Variants in ST6GALNAC3 observed in about 807,000 individuals in gnomAD.
The protein encoded by ST6GALNAC3 is alpha-N-acetylgalactosaminide alpha-2,6-sialyltransferase 3.
In ST6GALNAC3, 25 loss-of-function variants were observed where a neutral mutation model predicts 32.7. The observed-to-expected ratio is 0.76, with a 90% CI of 0.56 to 1.07. ST6GALNAC3 has a LOEUF of 1.07. Ranked by LOEUF, ST6GALNAC3 falls within the 50% of genes least tolerant of loss-of-function variation. The probability of loss-of-function intolerance (pLI) is 0.00; values close to 1 mark genes in which losing one functional copy is unlikely to be tolerated. For synonymous variants in ST6GALNAC3, 129 were observed against 133.1 expected, an observed-to-expected ratio of 0.97 and a Z score of 0.21; for missense variants, 355 against 382.4, an observed-to-expected ratio of 0.93 and a Z score of 0.60.
chr1:76,593,825 A>G (rs1239218436), intron 3 of ST6GALNAC3, among the ~76,000 whole-genome samples: 1 of 152,118 alleles, frequency 6.6e-6, no homozygotes, highest in African/African-American at 2.4e-5. Context: ...CCTGTAAACA[A>G]ATGGTTTCAG....
intron 2 of ST6GALNAC3, among the ~76,000 whole-genome samples, chr1:76,362,125 T>C (rs1650008845): frequency 6.6e-6 from 1 of 151,960 alleles, no homozygotes; most frequent in Admixed American, 6.6e-5. Flanking sequence ...CCAGGAACTT[T>C]ACAATAATAA....
intron 3 of ST6GALNAC3, among the ~76,000 whole-genome samples, chr1:76,562,243 A>G (rs942163011): frequency 6.6e-6 from 1 of 152,174 alleles, no homozygotes; most frequent in Non-Finnish European, 1.5e-5. Context: ...AGTGAATTAT[A>G]TGGTATGTGA....
At position 76,249,516 on chromosome 1, in the gene ST6GALNAC3, CT is replaced by C. The variant is rs1657492758; in HGVS notation, c.19-64281del. ...ATTCCATTCTATAAAGTTACCATATCTTTTTTTTCTACTTATCAGTTATAGC... is the reference window on the plus strand; with the variant it reads ...ATTCCATTCTATAAAGTTACCATATCTTTTTTTCTACTTATCAGTTATAGC... On this transcript the variant is annotated intron_variant, in intron 1 of 4. Coordinates refer to ENST00000328299, the MANE Select transcript of ST6GALNAC3 (RefSeq NM_152996.4). 2.0e-5 allele frequency among the ~76,000 whole-genome samples: 3 copies of C among 151,678 alleles called. No individual in the cohort carries two copies. The South Asian group carries it at 6.5e-4, about 33-fold the overall frequency.
At position 76,598,738 on chromosome 1, in the gene ST6GALNAC3, TAA is replaced by T. The variant is rs34725000; in HGVS notation, c.624-28702_624-28701del. On this transcript the variant is annotated intron_variant, in intron 3 of 4. Coordinates refer to ENST00000328299, the MANE Select transcript of ST6GALNAC3 (RefSeq NM_152996.4). ...CTTCTGCCATAAATGCTTCACAAAT[TAA>T]AAAAAAAAAAATGGTAAGCCTCCGT... is the stretch of plus-strand genomic sequence containing the variant. Among the ~76,000 whole-genome samples the T allele has an allele frequency of 6.9e-4, 100 of 145,246 alleles. 1 individual carries two copies. The highest frequency in any genetic ancestry group is 1.1e-3 in the African/African-American group (44 of 40,228).
chr1:76,579,721 C>T (rs962841086), intron 3 of ST6GALNAC3, among the ~76,000 whole-genome samples: 1 of 152,006 alleles, frequency 6.6e-6, no homozygotes. Flanking sequence ...TGCATCCCCA[C>T]GATATAGCTT....
At chr1:76,077,206 A>T (rs763093499) in intron 1 of ST6GALNAC3, among the ~76,000 whole-genome samples, 1 of 152,106 alleles carries the variant, frequency 6.6e-6, no homozygotes, top group African/African-American at 2.4e-5. Context: ...TGAAGTGTTC[A>T]TAGAATTATA....
chr1:76,566,591 G>T (rs968705791), intron 3 of ST6GALNAC3, among the ~76,000 whole-genome samples: 3 of 151,686 alleles, frequency 2.0e-5, no homozygotes, highest in African/African-American at 7.3e-5. Context: ...TCTTCCCTGC[G>T]CTACCCAGTG....
chr1:76,086,578 C>G (rs1311007326), intron 1 of ST6GALNAC3, among the ~76,000 whole-genome samples: 1 of 152,130 alleles, frequency 6.6e-6, no homozygotes, highest in African/African-American at 2.4e-5. Flanking sequence ...TCATCTCCAG[C>G]CTTCATGCCC....
chr1:76,401,747 T>C (rs1374146752), intron 2 of ST6GALNAC3, among the ~76,000 whole-genome samples: 1 of 152,164 alleles, frequency 6.6e-6, no homozygotes, highest in Non-Finnish European at 1.5e-5. Context: ...TGACATAAAA[T>C]AGGTTGACAG....
At chr1:76,348,823 C>T (rs1303978428) in intron 2 of ST6GALNAC3, among the ~76,000 whole-genome samples, 2 of 152,110 alleles carry the variant, frequency 1.3e-5, no homozygotes, top group South Asian at 4.1e-4. Flanking sequence ...AACAATGTGC[C>T]AGCCACTCTG....
At chr1:76,351,451 A>G (rs2101022535) in intron 2 of ST6GALNAC3, among the ~76,000 whole-genome samples, 1 of 152,170 alleles carries the variant, frequency 6.6e-6, no homozygotes, top group South Asian at 2.1e-4. Context: ...CAATTTTTTT[A>G]GTATAAAGAC....
At position 76,275,705 on chromosome 1, in the gene ST6GALNAC3, T is replaced by G. The variant is rs185094946; in HGVS notation, c.19-38100T>G. On this transcript the variant is annotated intron_variant, in intron 1 of 4. Transcript: ENST00000328299. ...ATACCTAGCATTAGGTTTTACTGTTTTATTTTCTTAATTGATGGCTAGTAT... is the reference window on the plus strand; with the variant it reads ...ATACCTAGCATTAGGTTTTACTGTTGTATTTTCTTAATTGATGGCTAGTAT... Among the ~76,000 whole-genome samples the G allele has an allele frequency of 2.2e-4, 33 of 152,348 alleles. No individual in the cohort carries two copies. In the East Asian group the frequency reaches 6.4e-3, roughly 29 times the overall value.
Position 76,443,813 on chromosome 1 carries a change from C to T in ST6GALNAC3, c.623+31396C>T, listed in dbSNP as rs116632216. Among the ~76,000 whole-genome samples, 26 of 152,270 alleles carry T rather than the reference C, an allele frequency of 1.7e-4. No individual in the cohort carries two copies. The East Asian group carries it at 5.0e-3, about 29-fold the overall frequency. On this transcript the variant is annotated intron_variant, in intron 3 of 4. Transcript: ENST00000328299. ...CCTTCTAGTCTTGCCTTAGGCATGACAAAGAACTCAAGTTCCCACCTGAGA... is the reference window on the plus strand; with the variant it reads ...CCTTCTAGTCTTGCCTTAGGCATGATAAAGAACTCAAGTTCCCACCTGAGA...
intron 1 of ST6GALNAC3, among the ~76,000 whole-genome samples, chr1:76,170,489 A>T (rs556238313): frequency 6.6e-6 from 1 of 152,148 alleles, no homozygotes; most frequent in Non-Finnish European, 1.5e-5. Flanking sequence ...TAAAAAAGAA[A>T]TTGTTTCAAA....
At chr1:76,246,997 T>A (rs1407443113) in intron 1 of ST6GALNAC3, among the ~76,000 whole-genome samples, 3 of 152,088 alleles carry the variant, frequency 2.0e-5, no homozygotes, top group Admixed American at 2.0e-4. Flanking sequence ...TGTGTGGGGG[T>A]CTTTTTTGTT....
chr1:76,481,859 G>C (rs1659743892), intron 3 of ST6GALNAC3, among the ~76,000 whole-genome samples: 1 of 151,984 alleles, frequency 6.6e-6, no homozygotes, highest in Non-Finnish European at 1.5e-5. Context: ...GCTCCACTAG[G>C]GCCCATAATA....
intron 3 of ST6GALNAC3, among the ~76,000 whole-genome samples, chr1:76,482,799 A>C (rs1046521849): frequency 6.6e-6 from 1 of 152,062 alleles, no homozygotes; most frequent in African/African-American, 2.4e-5. Flanking sequence ...ATATGTATAC[A>C]TGTGCCATGC....
Position 76,365,213 on chromosome 1 carries a change from A to G in ST6GALNAC3, c.214-46795A>G, listed in dbSNP as rs139387671. On this transcript the variant is annotated intron_variant, in intron 2 of 4. Coordinates refer to ENST00000328299, the MANE Select transcript of ST6GALNAC3 (RefSeq NM_152996.4). ...GCTGGAGGCCATTATCCTAAGTGAA[A>G]TAGTTCAGAAACTGAAAATCAAATA... Among the ~76,000 whole-genome samples the G allele has an allele frequency of 2.8e-3, 434 of 152,342 alleles. 2 individuals are homozygous for G. Among genetic ancestry groups the G allele is most frequent in the African/African-American group, 9.6e-3 (399 of 41,590 alleles).
At chr1:76,561,459 T>C (rs1171452745) in intron 3 of ST6GALNAC3, among the ~76,000 whole-genome samples, 1 of 152,160 alleles carries the variant, frequency 6.6e-6, no homozygotes, top group Non-Finnish European at 1.5e-5. Context: ...AAAATTTGTC[T>C]AATGATTTTA....
Sources: allele counts gnomAD v4.1 joint callset (sites outside exome capture counted in the v4.1 genomes callset), GRCh38; gene constraint gnomAD v4.1.1; transcripts MANE v1.5; gene names NCBI Gene and HGNC (gene_info 2026-07-23, HGNC 2026-07-21).